WWP1: variants seen among roughly 807,000 people sequenced by gnomAD.
WWP1 encodes NEDD4-like E3 ubiquitin-protein ligase WWP1.
WWP1 carries 49 observed loss-of-function variants against 130.6 expected under a neutral mutation model. The ratio of observed to expected loss-of-function variants is 0.38; its 90% CI spans 0.30 to 0.48. WWP1 has a LOEUF of 0.48. Ranked by LOEUF, WWP1 falls within the 20% of genes least tolerant of loss-of-function variation. The probability of loss-of-function intolerance (pLI) is 0.99; values close to 1 mark genes in which losing one functional copy is unlikely to be tolerated. For missense variants in WWP1, 809 were observed against 1,100.6 expected (o/e 0.74, Z 3.75); for synonymous variants, 332 against 367.8 (o/e 0.90, Z 1.11).
At chr8:86,465,423 G>T (rs1812016435) in intron 24 of WWP1, among the ~76,000 whole-genome samples, 1 of 152,114 alleles carries the variant, frequency 6.6e-6, no homozygotes. Context: ...AAATGATGAG[G>T]AGGAGCCTGG....
At chr8:86,375,531 T>C (rs6471309) in intron 3 of WWP1, among the ~76,000 whole-genome samples, 111,078 of 151,976 alleles carry the variant, frequency 0.73, 41,438 homozygotes, top group African/African-American at 0.83. Flanking sequence ...CCTCTTAATC[T>C]CCTAATTCTT....
At chr8:86,459,499 A>C (rs1417404476) in intron 22 of WWP1, among the ~76,000 whole-genome samples, 1 of 152,200 alleles carries the variant, frequency 6.6e-6, no homozygotes, top group African/African-American at 2.4e-5. Flanking sequence ...GAAATATGTC[A>C]TCTTTGAAAA....
At chr8:86,424,835 AG>A (rs1271325685) in intron 9 of WWP1, among the ~76,000 whole-genome samples, 1 of 4,520 alleles carries the variant, frequency 2.2e-4, no homozygotes, top group Non-Finnish European at 4.1e-4. Context: ...AGGGAGAGGG[AG>A]GGGGAGGGGA....
intron 24 of WWP1, among the ~76,000 whole-genome samples, chr8:86,465,802 G>A (rs1812064701): frequency 6.6e-6 from 1 of 152,036 alleles, no homozygotes; most frequent in African/African-American, 2.4e-5. Context: ...ATAAAGGGGA[G>A]GGCAGTATAT....
chr8:86,406,633 C>G (rs903839520), intron 8 of WWP1, among the ~76,000 whole-genome samples: 1 of 152,086 alleles, frequency 6.6e-6, no homozygotes, highest in African/African-American at 2.4e-5. Context: ...ACAGCTTGTT[C>G]ACATTTCACC....
At chr8:86,407,801 A>G (rs918801265) in intron 8 of WWP1, among the ~76,000 whole-genome samples, 2 of 152,162 alleles carry the variant, frequency 1.3e-5, no homozygotes, top group African/African-American at 2.4e-5. Flanking sequence ...GAGTTCCCAT[A>G]TGTCCTCCCA....
chr8:86,390,681 G>A (rs904877254), intron 5 of WWP1, among the ~76,000 whole-genome samples: 7 of 151,052 alleles, frequency 4.6e-5, no homozygotes, highest in South Asian at 2.1e-4. Context: ...GAGGGAGACC[G>A]TGGAAAGTGG....
At chr8:86,358,113 A>G (rs1324446133) in intron 1 of WWP1, among the ~76,000 whole-genome samples, 1 of 152,166 alleles carries the variant, frequency 6.6e-6, no homozygotes, top group Non-Finnish European at 1.5e-5. Context: ...TCTCTCTTAT[A>G]TTCTTTTGTT....
rs117666438 is a variant in WWP1, at chr8:86,343,889, C to A, written c.-115+959C>A. Among the ~76,000 whole-genome samples the A allele has an allele frequency of 8.4e-4, 127 of 151,864 alleles. No individual in the cohort carries two copies. The East Asian group carries it at 0.024, about 29-fold the overall frequency. ...TGGTAATAGTAGTGGGAAAAAAAAT[C>A]ATGTCCAAAATTATCTTTGTTTTCC... On this transcript the variant is annotated intron_variant, in intron 1 of 24. Coordinates refer to ENST00000517970, the MANE Select transcript of WWP1 (RefSeq NM_007013.4).
intron 9 of WWP1, among the ~76,000 whole-genome samples, chr8:86,413,089 G>C (rs866758099): frequency 6.6e-6 from 1 of 152,146 alleles, no homozygotes; most frequent in African/African-American, 2.4e-5. Flanking sequence ...GCTTCCCAAA[G>C]TGCTGGGATT....
chr8:86,440,763 A>C (rs958270768), intron 17 of WWP1: 3 of 423,510 alleles, frequency 7.1e-6, no homozygotes, highest in African/African-American at 4.2e-5. Flanking sequence ...TCAGTCTTAC[A>C]TGTCTGTCAT....
intron 21 of WWP1, among the ~76,000 whole-genome samples, chr8:86,453,915 T>A (rs1305180195): frequency 2.0e-5 from 3 of 152,196 alleles, no homozygotes; most frequent in Non-Finnish European, 4.4e-5. Flanking sequence ...GGGTGTGCTA[T>A]TTTAACTGCA....
At position 86,430,798 on chromosome 8, in the gene WWP1, C is replaced by CATATATAT. The variant is rs36226595; in HGVS notation, c.1387+74_1387+81dup. 248 of 202,124 alleles carry CATATATAT rather than the reference C, an allele frequency of 1.2e-3. 1 individual carries two copies. Among genetic ancestry groups the CATATATAT allele is most frequent in the Admixed American group, 0.011 (98 of 9,192 alleles). 12.5% of individuals were successfully genotyped at this position (202,124 alleles called of 1,614,324 possible). A position where few individuals can be genotyped will look rare whatever the true frequency, so the allele number is the denominator to read the frequency against. ...TCTATAAGGGAGATATATATCTCTC[C>CATATATAT]ATATATATATATATATATATATATA... On this transcript the variant is annotated intron_variant, in intron 12 of 24. Transcript: ENST00000517970.
At position 86,398,463 on chromosome 8, in the gene WWP1, C is replaced by G. The variant is rs1021928400; in HGVS notation, c.456C>G (p.Cys152Trp). 6.2e-7 allele frequency: 1 copy of G among 1,612,210 alleles called. No homozygotes were observed. The highest frequency in any genetic ancestry group is 1.3e-5 in the African/African-American group (1 of 74,870). The change falls in exon 6 of 25, where the codon TGC becomes TGG. Residue 152 changes from cysteine (C) to tryptophan (W), a missense_variant. This residue lies in a region of WWP1 where 262 missense variants were observed against 346.0 expected (regional missense o/e 0.76). Transcript: ENST00000517970. ...TTGAGCAAGAAAATATAACAAACTG[C>G]AGCTCATCTCCAACCAGTAAGCTAA... ...LVIEQENITN[C>W]SSSPTIEIQE...
chr8:86,387,555 C>T (rs1282762981), intron 5 of WWP1, among the ~76,000 whole-genome samples: 1 of 151,956 alleles, frequency 6.6e-6, no homozygotes, highest in African/African-American at 2.4e-5. Flanking sequence ...CTCTGTCACC[C>T]AGGCTGGAGT....
intron 22 of WWP1, among the ~76,000 whole-genome samples, chr8:86,459,519 A>G (rs1811646963): frequency 6.6e-6 from 1 of 152,214 alleles, no homozygotes; most frequent in South Asian, 2.1e-4. Context: ...AGGCAGAGAA[A>G]AAACTGGAAA....
chr8:86,449,800 G>C (rs1214697282), intron 20 of WWP1, among the ~76,000 whole-genome samples: 5 of 152,106 alleles, frequency 3.3e-5, no homozygotes, highest in Non-Finnish European at 7.4e-5. Context: ...AAATGGGATT[G>C]GATTATACAC....
chr8:86,423,894 G>A (rs760246022), intron 9 of WWP1, among the ~76,000 whole-genome samples: 91 of 136,924 alleles, frequency 6.6e-4, no homozygotes, highest in African/African-American at 2.3e-3. Flanking sequence ...CTGGCCGGGC[G>A]GGGGCTGCCC....
chr8:86,380,199 C>T (rs78777068), intron 3 of WWP1, among the ~76,000 whole-genome samples: 1 of 151,998 alleles, frequency 6.6e-6, no homozygotes, highest in Non-Finnish European at 1.5e-5. Context: ...GTGCATGTTA[C>T]AATATGGATG....
Sources: allele counts gnomAD v4.1 joint callset (sites outside exome capture counted in the v4.1 genomes callset), GRCh38; gene constraint gnomAD v4.1.1; regional missense constraint gnomAD v4.1.1; transcripts MANE v1.5; gene names NCBI Gene and HGNC (gene_info 2026-07-23, HGNC 2026-07-21).